The following AMPH variants were observed in gnomAD, a reference collection of about 807,000 sequenced individuals.
AMPH encodes amphiphysin, also known as amphiphysin (Stiff-Mann syndrome with breast cancer 128kD autoantigen).
Under a neutral mutation model 99.1 loss-of-function variants are expected in AMPH, and 49 were observed. The ratio of observed to expected loss-of-function variants is 0.49; its 90% confidence interval spans 0.39 to 0.63. AMPH has a LOEUF of 0.63. AMPH is among the 20% of genes least tolerant of loss of function. The pLI is 0.00. For synonymous variants in AMPH, 314 were observed against 317.3 expected (o/e 0.99, Z 0.11); for missense variants, 759 against 863.4 (o/e 0.88, Z 1.52).
chr7:38,466,202 C>G lies in AMPH; in HGVS notation c.637G>C (p.Glu213Gln). The change falls in exon 8 of 21, where the codon GAA becomes CAA. Residue 213 changes from glutamate to glutamine, a missense_variant. By Grantham distance (29) the Glu-to-Gln change is conservative. Around this residue, in one of 2 missense-constraint regions of AMPH, gnomAD observed 205 missense variants for 287.9 expected, o/e 0.71. Transcript: ENST00000356264. ...VNTFKNVSSL[E>Q]AKFHKEIAVL... ...GCAATTTCCTTATGAAACTTGGCTT[C>G]AAGGCTGGAGACGTTTTTGAAAGTA... 2 of 1,597,796 alleles carry G rather than the reference C, an allele frequency of 1.3e-6. No individual in the cohort carries two copies. The highest frequency in any genetic ancestry group is 2.3e-5 in the South Asian group (2 of 87,634).
chr7:38,424,755 T>A (rs1297854225), intron 15 of AMPH, among the ~76,000 whole-genome samples: 1 of 152,062 alleles, frequency 6.6e-6, no homozygotes, highest in African/African-American at 2.4e-5. Flanking sequence ...ACTCAGACCA[T>A]AGCCCATCAT....
At chr7:38,477,051 C>A in intron 5 of AMPH, 82 bp from the exon 6 acceptor site, 1 of 1,223,020 alleles carries the variant, frequency 8.2e-7, no homozygotes. Context: ...AAAATGCTTT[C>A]CTTGGCCAGA....
chr7:38,432,076 T>A (rs751683035), intron 13 of AMPH, 113 bp downstream of exon 13: 10 of 942,884 alleles, frequency 1.1e-5, no homozygotes, highest in African/African-American at 8.0e-5. Context: ...GGGGACTATA[T>A]CATCATTAAA....
At chr7:38,393,827 T>C (rs1008617884) in intron 18 of AMPH, among the ~76,000 whole-genome samples, 178 bp downstream of exon 18, 24 of 152,212 alleles carry the variant, frequency 1.6e-4, no homozygotes, top group Non-Finnish European at 3.1e-4. Flanking sequence ...GCAATGCTGA[T>C]ACTGAGCAGC....
intron 1 of AMPH, among the ~76,000 whole-genome samples, chr7:38,572,092 A>G (rs184400957): frequency 1.6e-4 from 24 of 151,978 alleles, no homozygotes; most frequent in African/African-American, 5.8e-4. Context: ...TTTAGTAGAG[A>G]CGGGGTTTCT....
chr7:38,458,412 G>T (rs1787313614), intron 11 of AMPH, among the ~76,000 whole-genome samples: 1 of 151,864 alleles, frequency 6.6e-6, no homozygotes, highest in Non-Finnish European at 1.5e-5. Flanking sequence ...ACAACAAAAA[G>T]AAAACTATAA....
intron 12 of AMPH, among the ~76,000 whole-genome samples, chr7:38,433,076 T>C (rs1786100730): frequency 6.6e-6 from 1 of 152,308 alleles, no homozygotes; most frequent in African/African-American, 2.4e-5. Flanking sequence ...TTTATGCACT[T>C]ATTTTGAACT....
intron 16 of AMPH, among the ~76,000 whole-genome samples, chr7:38,419,383 T>A (rs1391404432): frequency 2.7e-5 from 2 of 75,062 alleles, no homozygotes; most frequent in Non-Finnish European, 5.7e-5. Context: ...CACACGACTA[T>A]TCTTTTCAAA....
At chr7:38,556,045 A>G (rs1791350488) in intron 1 of AMPH, among the ~76,000 whole-genome samples, 1 of 152,186 alleles carries the variant, frequency 6.6e-6, no homozygotes, top group Non-Finnish European at 1.5e-5. Flanking sequence ...CCTAAACCTC[A>G]GTATCACACA....
intron 13 of AMPH, among the ~76,000 whole-genome samples, chr7:38,430,759 TATAAC>T (rs1429271678): frequency 6.6e-6 from 1 of 152,234 alleles, no homozygotes; most frequent in Non-Finnish European, 1.5e-5. Flanking sequence ...CTAGAAAAGA[TATAAC>T]TTAGTCATTG....
chr7:38,426,539 A>T (rs914428168), intron 15 of AMPH, among the ~76,000 whole-genome samples: 1 of 152,220 alleles, frequency 6.6e-6, no homozygotes, highest in Non-Finnish European at 1.5e-5. Flanking sequence ...CACATTTTCT[A>T]AAGATCCATC....
At chr7:38,419,578 A>G (rs975061306) in intron 16 of AMPH, among the ~76,000 whole-genome samples, 1 of 152,224 alleles carries the variant, frequency 6.6e-6, no homozygotes, top group Non-Finnish European at 1.5e-5. Flanking sequence ...GAAAAGAATT[A>G]TCTTCATAGT....
chr7:38,401,622 A>G (rs1784842648), intron 17 of AMPH, among the ~76,000 whole-genome samples: 1 of 152,222 alleles, frequency 6.6e-6, no homozygotes, highest in African/African-American at 2.4e-5. Context: ...TTGTTCTAAT[A>G]GCTTCTGACC....
At chr7:38,577,455 C>T (rs1237724408) in intron 1 of AMPH, among the ~76,000 whole-genome samples, 1 of 152,230 alleles carries the variant, frequency 6.6e-6, no homozygotes, top group Non-Finnish European at 1.5e-5. Context: ...GGTTTAGATT[C>T]TTTATTCCCT....
intron 5 of AMPH, among the ~76,000 whole-genome samples, chr7:38,487,836 A>C (rs1281107888): frequency 6.6e-6 from 1 of 152,116 alleles, no homozygotes; most frequent in African/African-American, 2.4e-5. Flanking sequence ...AGAAGAAACC[A>C]AACGACCCCA....
At chr7:38,629,198 G>A (rs1056609656) in intron 1 of AMPH, among the ~76,000 whole-genome samples, 1 of 152,132 alleles carries the variant, frequency 6.6e-6, no homozygotes, top group African/African-American at 2.4e-5. Context: ...CATTTGGGCT[G>A]GGCTGCTTTA....
rs1584034457 is a variant in AMPH at position 38,395,846 on chromosome 7, A to G, written c.1399-1632T>C. On this transcript the variant is annotated intron_variant, in intron 17 of 20. Transcript: ENST00000356264. ...CGGAGATGAAGAACATGAACCACAC[A>G]TCTACACTTATAACAAAGCAGTTTT... 2.0e-5 allele frequency among the ~76,000 whole-genome samples: 3 copies of G among 152,336 alleles called. No individual in the cohort carries two copies. The East Asian group carries it at 5.8e-4, about 29-fold the overall frequency.
intron 17 of AMPH, among the ~76,000 whole-genome samples, chr7:38,417,389 G>T (rs1420731528): frequency 3.3e-5 from 5 of 152,114 alleles, no homozygotes; most frequent in African/African-American, 4.8e-5. Flanking sequence ...TTGTGATATG[G>T]GATTTCAACA....
intron 19 of AMPH, among the ~76,000 whole-genome samples, chr7:38,390,999 GAGAGAGAGAGAGAGA>G (rs762834725): frequency 0.24 from 22,484 of 91,976 alleles, 1,942 homozygotes; most frequent in Admixed American, 0.35. Context: ...GAGAGAGAGA[GAGAGAGAGAGAGAGA>G]GAATGATACA....
Sources: allele counts gnomAD v4.1 joint callset (sites outside exome capture counted in the v4.1 genomes callset), GRCh38; gene constraint gnomAD v4.1.1; regional missense constraint gnomAD v4.1.1; transcripts MANE v1.5; gene names NCBI Gene and HGNC (gene_info 2026-07-23, HGNC 2026-07-21).